Variants in DENND1A observed in about 807,000 individuals in gnomAD.
DENND1A encodes DENN domain-containing protein 1A.
Under a neutral mutation model 113.7 loss-of-function variants are expected in DENND1A, and 51 were observed. The ratio of observed to expected loss-of-function variants is 0.45; its 90% CI spans 0.36 to 0.57. The LOEUF is 0.57. Ranked by LOEUF, DENND1A falls within the 20% of genes least tolerant of loss-of-function variation. The pLI is 0.00. For missense variants in DENND1A, 1,258 were observed against 1,395.9 expected (o/e 0.90, Z 1.57); for synonymous variants, 565 against 570.8 (o/e 0.99, Z 0.14).
rs372036747 is a variant in DENND1A at position 123,911,564 on chromosome 9, A to G, written c.17+18325T>C. ...ACTACAATTACATACAACAACACAGATGAATTCTACCAACACAATGTAGAG... is the reference window on the plus strand; with the variant it reads ...ACTACAATTACATACAACAACACAGGTGAATTCTACCAACACAATGTAGAG... On this transcript the variant is annotated intron_variant, in intron 1 of 23. Transcript: ENST00000394215. Among the ~76,000 whole-genome samples, 54 of 152,352 alleles carry G rather than the reference A, an allele frequency of 3.5e-4. 1 individual carries two copies. The East Asian group carries it at 7.1e-3, about 20-fold the overall frequency.
intron 2 of DENND1A, among the ~76,000 whole-genome samples, chr9:123,845,670 CAAAAA>C (rs555731367): frequency 0.012 from 535 of 44,082 alleles, 3 homozygotes; most frequent in South Asian, 0.056. Context: ...AACCTGTCTC[CAAAAA>C]AAAAAAAAAA....
chr9:123,745,232 C>T (rs1386711352), intron 5 of DENND1A, among the ~76,000 whole-genome samples: 3 of 152,136 alleles, frequency 2.0e-5, no homozygotes, highest in Non-Finnish European at 4.4e-5. Context: ...GCCATGCCAC[C>T]GTGTAACTCA....
chr9:123,437,195 C>T (rs1207889263), intron 19 of DENND1A, among the ~76,000 whole-genome samples: 1 of 152,184 alleles, frequency 6.6e-6, no homozygotes, highest in Non-Finnish European at 1.5e-5. Context: ...GGACTGAGAA[C>T]TTATTTATCT....
intron 5 of DENND1A, among the ~76,000 whole-genome samples, chr9:123,692,059 A>G (rs1047563265): frequency 1.3e-5 from 2 of 152,182 alleles, no homozygotes; most frequent in African/African-American, 4.8e-5. Context: ...CGGTCCTCCC[A>G]TTGACAAGCA....
At chr9:123,831,878 G>T (rs1840272455) in intron 2 of DENND1A, among the ~76,000 whole-genome samples, 1 of 152,102 alleles carries the variant, frequency 6.6e-6, no homozygotes, top group Non-Finnish European at 1.5e-5. Flanking sequence ...AGCTACTCGG[G>T]AGGCTGAGGC....
At chr9:123,735,253 G>A (rs902598316) in intron 5 of DENND1A, among the ~76,000 whole-genome samples, 1 of 152,152 alleles carries the variant, frequency 6.6e-6, no homozygotes, top group African/African-American at 2.4e-5. Context: ...AGGAAGGAAC[G>A]AGTTCATGGA....
intron 5 of DENND1A, among the ~76,000 whole-genome samples, chr9:123,722,935 G>C (rs1340527529): frequency 1.3e-5 from 2 of 152,230 alleles, no homozygotes; most frequent in Non-Finnish European, 2.9e-5. Flanking sequence ...CCATCCTCCA[G>C]ACCCCAGAAT....
intron 8 of DENND1A, among the ~76,000 whole-genome samples, chr9:123,657,569 ACTGT>A (rs529562445): frequency 6.6e-6 from 1 of 152,134 alleles, no homozygotes; most frequent in South Asian, 2.1e-4. Flanking sequence ...AGTCCGCCCC[ACTGT>A]CTGTCATTTT....
At chr9:123,469,428 G>A (rs1371795763) in intron 13 of DENND1A, among the ~76,000 whole-genome samples, 11 of 152,342 alleles carry the variant, frequency 7.2e-5, no homozygotes, top group Admixed American at 1.3e-4. Context: ...CCCCACACGC[G>A]CTTGCTAGAT....
chr9:123,544,746 C>T (rs1397796674), intron 13 of DENND1A, among the ~76,000 whole-genome samples: 2 of 152,176 alleles, frequency 1.3e-5, no homozygotes, highest in African/African-American at 4.8e-5. Flanking sequence ...GACTTCAGGT[C>T]TTAATGATTT....
At chr9:123,703,462 C>T (rs2065997741) in intron 5 of DENND1A, among the ~76,000 whole-genome samples, 1 of 152,004 alleles carries the variant, frequency 6.6e-6, no homozygotes, top group East Asian at 1.9e-4. Flanking sequence ...TTATATGCTT[C>T]ATGGTAACTA....
chr9:123,749,008 C>T (rs2069770313), intron 5 of DENND1A, among the ~76,000 whole-genome samples: 1 of 152,124 alleles, frequency 6.6e-6, no homozygotes, highest in African/African-American at 2.4e-5. Flanking sequence ...ATGATGCTAA[C>T]CAAAAGGGAA....
intron 9 of DENND1A, among the ~76,000 whole-genome samples, chr9:123,649,947 T>C (rs80046323): frequency 0.017 from 2,560 of 152,268 alleles, 58 homozygotes; most frequent in African/African-American, 0.057. Context: ...AGTTCATACA[T>C]GAAAAGTGCT....
intron 12 of DENND1A, among the ~76,000 whole-genome samples, chr9:123,558,561 G>C (rs565464471): frequency 6.6e-6 from 1 of 152,336 alleles, no homozygotes; most frequent in African/African-American, 2.4e-5. Flanking sequence ...AGTAGCCAAA[G>C]CAAGGAGGGA....
At chr9:123,433,473 A>G (rs977471762) in intron 19 of DENND1A, among the ~76,000 whole-genome samples, 13 of 152,162 alleles carry the variant, frequency 8.5e-5, no homozygotes, top group African/African-American at 3.1e-4. Context: ...TTCAAATACC[A>G]TTTGAAAGTA....
chr9:123,680,270 T>C (rs1405893664), intron 5 of DENND1A, among the ~76,000 whole-genome samples: 2 of 152,200 alleles, frequency 1.3e-5, no homozygotes, highest in East Asian at 3.9e-4. Context: ...TCCCAGGCTC[T>C]ACCCTCACTC....
intron 13 of DENND1A, among the ~76,000 whole-genome samples, chr9:123,462,941 T>TGC (rs1213735521): frequency 6.6e-6 from 1 of 152,016 alleles, no homozygotes; most frequent in East Asian, 1.9e-4. Flanking sequence ...CAAGGTGAGG[T>TGC]GCCAAGCCAC....
chr9:123,564,962 A>G (rs2057966365), intron 12 of DENND1A, among the ~76,000 whole-genome samples: 1 of 150,258 alleles, frequency 6.7e-6, no homozygotes, highest in East Asian at 1.9e-4. Flanking sequence ...GCAAGAATCC[A>G]ATTAATGTCT....
intron 13 of DENND1A, among the ~76,000 whole-genome samples, chr9:123,464,686 C>T (rs2048790375): frequency 6.6e-6 from 1 of 152,104 alleles, no homozygotes; most frequent in Non-Finnish European, 1.5e-5. Flanking sequence ...CTAAACTGTG[C>T]ACTTAAAAAT....
Sources: gnomAD v4.1 joint callset for allele counts (sites outside exome capture counted in the v4.1 genomes callset) on GRCh38, gnomAD v4.1.1 for gene constraint, MANE v1.5 for transcripts, NCBI Gene and HGNC (gene_info 2026-07-23, HGNC 2026-07-21) for gene names.